LRP1B: variants seen among roughly 807,000 people sequenced by gnomAD.
LRP1B encodes the protein low-density lipoprotein receptor-related protein 1B.
LRP1B carries 217 observed loss-of-function variants against 556.6 expected under a neutral mutation model. That is an observed-to-expected ratio of 0.39 (90% CI 0.35 to 0.44). The LOEUF (loss-of-function observed/expected upper bound fraction) is 0.44. Among genes scored for constraint, LRP1B ranks in the 20% least tolerant of loss-of-function variants. The pLI is 1.00. For missense variants in LRP1B, 5,053 were observed against 5,620.8 expected (o/e 0.90, Z 3.23); for synonymous variants, 2,047 against 1,865.8 (o/e 1.10, Z -2.50).
chr2:141,806,457 T>C (rs1407070125), intron 2 of LRP1B, among the ~76,000 whole-genome samples: 1 of 152,064 alleles, frequency 6.6e-6, no homozygotes, highest in African/African-American at 2.4e-5. Context: ...CTTTCATTTT[T>C]ATGACTAAAA....
intron 2 of LRP1B, among the ~76,000 whole-genome samples, chr2:141,655,335 T>A (rs1419748872): frequency 6.6e-6 from 1 of 152,010 alleles, no homozygotes; most frequent in Non-Finnish European, 1.5e-5. Context: ...AGGAGGAGAG[T>A]CATATTTACA....
At position 140,947,665 on chromosome 2, in the gene LRP1B, T is replaced by C. The variant is rs368196972; in HGVS notation, c.3136+2570A>G. On this transcript the variant is annotated intron_variant, in intron 20 of 90. Transcript: ENST00000389484. ...ATCAAAAGAATAATGAATAGAAATA[T>C]TTAAGTTCCACTTGAAATCCTTTGA... Among the ~76,000 whole-genome samples, 45 of 152,344 alleles carry C rather than the reference T, an allele frequency of 3.0e-4. 4 individuals are homozygous for C. The South Asian group carries it at 9.3e-3, about 32-fold the overall frequency.
At chr2:141,296,762 T>C (rs1686196442) in intron 3 of LRP1B, among the ~76,000 whole-genome samples, 1 of 152,320 alleles carries the variant, frequency 6.6e-6, no homozygotes, top group Non-Finnish European at 1.5e-5. Context: ...GCAGGTTTTT[T>C]ACATGGGTAT....
intron 1 of LRP1B, among the ~76,000 whole-genome samples, chr2:141,857,529 G>T (rs1031110357): frequency 2.0e-5 from 3 of 151,746 alleles, no homozygotes; most frequent in South Asian, 2.1e-4. Context: ...TAGACATGGG[G>T]TCTCAACATG....
chr2:141,096,221 A>C (rs985248887), intron 7 of LRP1B, among the ~76,000 whole-genome samples: 15 of 152,268 alleles, frequency 9.9e-5, no homozygotes, highest in African/African-American at 3.1e-4. Context: ...GGCATTACAA[A>C]CACCAAATCA....
intron 29 of LRP1B, among the ~76,000 whole-genome samples, chr2:140,847,935 G>C (rs1212732856): frequency 6.6e-6 from 1 of 152,022 alleles, no homozygotes; most frequent in Non-Finnish European, 1.5e-5. Flanking sequence ...AGTAAGTCTT[G>C]ATGATTTTCT....
intron 18 of LRP1B, among the ~76,000 whole-genome samples, chr2:140,969,700 G>A (rs1208009287): frequency 6.6e-6 from 1 of 152,162 alleles, no homozygotes; most frequent in Non-Finnish European, 1.5e-5. Flanking sequence ...TCCTTCAGGA[G>A]CTCTTGTAGT....
chr2:140,332,932 G>A (rs993360020), intron 79 of LRP1B, among the ~76,000 whole-genome samples: 4 of 151,914 alleles, frequency 2.6e-5, no homozygotes, highest in Non-Finnish European at 5.9e-5. Context: ...CACCAAAGAA[G>A]TATTTTAAAA....
At chr2:140,769,386 G>T (rs984415629) in intron 34 of LRP1B, 42 bp from the exon 35 acceptor site, 78 of 1,516,154 alleles carry the variant, frequency 5.1e-5, no homozygotes, top group Non-Finnish European at 6.6e-5. Context: ...GGGAAGCCCA[G>T]AATGAATATT....
At chr2:140,933,127 A>G (rs558208796) in intron 20 of LRP1B, among the ~76,000 whole-genome samples, 1 of 152,128 alleles carries the variant, frequency 6.6e-6, no homozygotes, top group African/African-American at 2.4e-5. Context: ...TGCATGCACA[A>G]ATGCCCACCT....
chr2:141,614,703 C>T (rs182985839), intron 2 of LRP1B, among the ~76,000 whole-genome samples: 92 of 151,030 alleles, frequency 6.1e-4, no homozygotes, highest in Admixed American at 3.7e-3. Flanking sequence ...TTTGCCTTCA[C>T]CAAAAGCTAA....
chr2:142,127,363 G>A (rs907482767), intron 1 of LRP1B, among the ~76,000 whole-genome samples: 1 of 128,706 alleles, frequency 7.8e-6, no homozygotes, highest in Admixed American at 7.7e-5. Flanking sequence ...CTGATGTATG[G>A]CAGAATCCAT....
At chr2:140,706,647 T>G (rs949648542) in intron 37 of LRP1B, among the ~76,000 whole-genome samples, 4 of 152,108 alleles carry the variant, frequency 2.6e-5, no homozygotes, top group African/African-American at 9.7e-5. Flanking sequence ...CATGAGTTAA[T>G]TTCCAACTGA....
intron 58 of LRP1B, among the ~76,000 whole-genome samples, chr2:140,487,403 T>A (rs529227572): frequency 1.3e-4 from 20 of 152,110 alleles, no homozygotes; most frequent in Non-Finnish European, 2.7e-4. Context: ...ATTTGATGTT[T>A]ATGTTATTGC....
chr2:141,116,044 G>A (rs1221548584), intron 7 of LRP1B, among the ~76,000 whole-genome samples: 1 of 152,030 alleles, frequency 6.6e-6, no homozygotes, highest in Non-Finnish European at 1.5e-5. Flanking sequence ...AAAAATAATG[G>A]AGAGTTTTCT....
intron 3 of LRP1B, among the ~76,000 whole-genome samples, chr2:141,375,829 A>G (rs533374671): frequency 1.8e-4 from 27 of 152,266 alleles, no homozygotes; most frequent in African/African-American, 6.0e-4. Flanking sequence ...GGCAGTGAGT[A>G]CTGCCCTAGA....
chr2:141,954,419 T>A (rs1309360390), intron 1 of LRP1B, among the ~76,000 whole-genome samples: 1 of 152,118 alleles, frequency 6.6e-6, no homozygotes, highest in Non-Finnish European at 1.5e-5. Context: ...TGTACATATT[T>A]ATGAGTGTGT....
At chr2:141,624,036 C>CAAAAAAAAAAAAAAAAAAAAAAAAAAAAA in intron 2 of LRP1B, among the ~76,000 whole-genome samples, 1,620 of 89,836 alleles carry the variant, frequency 0.018, 8 homozygotes, top group Non-Finnish European at 0.023. Flanking sequence ...AAAAATTAAA[C>CAAAAAAAAAAAAAAAAAAAAAAAAAAAAA]AAAAAAAAAA....
chr2:141,920,289 T>A lies in LRP1B; in HGVS notation c.83-109888A>T, dbSNP rs113030090. Among the ~76,000 whole-genome samples the A allele has an allele frequency of 1.6e-4, 17 of 104,356 alleles. No individual in the cohort carries two copies. In the Admixed American group the frequency reaches 1.7e-3, roughly 10 times the overall value. The allele number at this position is 104,356 out of a possible 152,430, so 68.5% of individuals were successfully genotyped here. ...TTTCTTCTTTTTTTTTGGGGGGGGG[T>A]GGTAGGGATAATCATTTATTTCAAA... On this transcript the variant is annotated intron_variant, in intron 1 of 90. Coordinates refer to ENST00000389484, the MANE Select transcript of LRP1B (RefSeq NM_018557.3).
Sources: allele counts gnomAD v4.1 joint callset (sites outside exome capture counted in the v4.1 genomes callset), GRCh38; gene constraint gnomAD v4.1.1; transcripts MANE v1.5; gene names NCBI Gene and HGNC (gene_info 2026-07-23, HGNC 2026-07-21).